The following SLC24A4 variants were observed in gnomAD, a reference collection of about 807,000 sequenced individuals.
SLC24A4 encodes the protein sodium/potassium/calcium exchanger 4.
SLC24A4 carries 53 observed loss-of-function variants against 79.0 expected under a neutral mutation model. That is an observed-to-expected ratio of 0.67 (90% confidence interval 0.54 to 0.84). The LOEUF (loss-of-function observed/expected upper bound fraction) is 0.84, where lower values mean the gene tolerates loss of function less well. SLC24A4 is among the 40% of genes least tolerant of loss of function. The probability of loss-of-function intolerance (pLI) is 0.00; values close to 1 mark genes in which losing one functional copy is unlikely to be tolerated. For missense variants in SLC24A4, 731 were observed against 822.0 expected, an observed-to-expected ratio of 0.89 and a Z score of 1.35; for synonymous variants, 323 against 323.8, an observed-to-expected ratio of 1.00 and a Z score of 0.03.
intron 2 of SLC24A4, among the ~76,000 whole-genome samples, chr14:92,415,769 A>AT (rs75655818): frequency 0.067 from 10,017 of 149,366 alleles, 433 homozygotes; most frequent in East Asian, 0.097. Context: ...CTATGTTTTT[A>AT]TTTTTTTTTT....
chr14:92,329,958 G>A (rs1885372460), intron 2 of SLC24A4, among the ~76,000 whole-genome samples: 1 of 152,232 alleles, frequency 6.6e-6, no homozygotes, highest in African/African-American at 2.4e-5. Flanking sequence ...AGCTTTATAG[G>A]AATCTTTTGA....
intron 2 of SLC24A4, among the ~76,000 whole-genome samples, chr14:92,411,946 C>A (rs1056758882): frequency 2.6e-5 from 4 of 151,054 alleles, no homozygotes; most frequent in African/African-American, 7.3e-5. Flanking sequence ...AAAAACAAAA[C>A]AAAACAAAAA....
chr14:92,424,168 T>A (rs1327307789), intron 2 of SLC24A4, among the ~76,000 whole-genome samples: 4 of 152,194 alleles, frequency 2.6e-5, no homozygotes, highest in African/African-American at 4.8e-5. Context: ...TGACCACATT[T>A]CAACTTAACT....
chr14:92,448,445 TAA>T (rs1892938542), intron 9 of SLC24A4, among the ~76,000 whole-genome samples: 1 of 150,824 alleles, frequency 6.6e-6, no homozygotes, highest in South Asian at 2.1e-4. Context: ...GATACGTAAT[TAA>T]AAAGACAACA....
At chr14:92,448,707 G>A (rs1174872483) in intron 9 of SLC24A4, among the ~76,000 whole-genome samples, 2 of 152,142 alleles carry the variant, frequency 1.3e-5, no homozygotes, top group Non-Finnish European at 2.9e-5. Flanking sequence ...ATCTGCTGCT[G>A]GGGGAGAGGG....
chr14:92,498,761 G>C lies in SLC24A4; in HGVS notation c.*5133G>C, dbSNP rs964982781. On this transcript the variant is annotated 3_prime_UTR_variant, in exon 17 of 17. Transcript: ENST00000532405. ...GATCCGCCCGCCTGGGCCTCCCAGA[G>C]TGCTGAGATTACAGGCGTGAGCCAC... 8 of 152,284 alleles carry C rather than the reference G, an allele frequency of 5.3e-5. No individual in the cohort carries two copies. The highest frequency in any genetic ancestry group is 1.9e-4 in the African/African-American group (8 of 41,468). The allele number at this position is 152,284 out of a possible 1,614,324, so 9.4% of individuals were successfully genotyped here.
intron 2 of SLC24A4, among the ~76,000 whole-genome samples, chr14:92,410,187 G>T (rs1288908584): frequency 2.0e-5 from 3 of 152,054 alleles, no homozygotes; most frequent in Non-Finnish European, 4.4e-5. Flanking sequence ...TAAAATAAAT[G>T]TTTAAAAAAA....
At chr14:92,457,725 A>G (rs976050238) in intron 12 of SLC24A4, 10 of 152,380 alleles carry the variant, frequency 6.6e-5, no homozygotes, top group African/African-American at 2.4e-4. Context: ...GTTTGGCCCC[A>G]TTCTTGGAGG....
intron 2 of SLC24A4, among the ~76,000 whole-genome samples, chr14:92,397,255 C>G (rs377502094): frequency 6.6e-6 from 1 of 152,148 alleles, no homozygotes. Context: ...CAGGATCCCA[C>G]GGAAAATTAG....
chr14:92,394,734 G>T (rs1436623505), intron 2 of SLC24A4, among the ~76,000 whole-genome samples: 1 of 152,174 alleles, frequency 6.6e-6, no homozygotes, highest in Non-Finnish European at 1.5e-5. Context: ...AGAAACTCAG[G>T]TTATTCTCCA....
At chr14:92,422,984 T>A (rs1244199201) in intron 2 of SLC24A4, among the ~76,000 whole-genome samples, 1 of 151,614 alleles carries the variant, frequency 6.6e-6, no homozygotes, top group Admixed American at 6.6e-5. Flanking sequence ...ATAATTTTTG[T>A]ATTTTTTTAA....
Position 92,493,598 on chromosome 14 carries a change from CA to C in SLC24A4, c.1841del (p.Asn614ThrfsTer24). ...TAGAGTTTAACGTCTTTACCTTCGT[CA>C]ACTTGCCGATGTGCCGGGAAGACGA... is the stretch of plus-strand genomic sequence containing the variant. ...MIEFNVFTFVNLPMCREDD is the reference protein window; with the variant it reads ...MIEFNVFTFVXLPMCREDD On this transcript the variant is annotated frameshift_variant, in exon 17 of 17. Coordinates refer to ENST00000532405, the MANE Select transcript of SLC24A4 (RefSeq NM_153646.4). LOFTEE classifies it high-confidence loss of function. 6.2e-7 allele frequency: 1 copy of C among 1,614,216 alleles called. No homozygotes were observed. The highest frequency in any genetic ancestry group is 8.5e-7 in the Non-Finnish European group (1 of 1,180,032).
chr14:92,450,196 A>C (rs148669556), intron 10 of SLC24A4: 9 of 152,130 alleles, frequency 5.9e-5, no homozygotes, highest in East Asian at 5.8e-4. Context: ...TTTTAGGTGA[A>C]CTCTTTTGTG....
intron 2 of SLC24A4, among the ~76,000 whole-genome samples, chr14:92,394,411 C>G (rs947777687): frequency 2.6e-5 from 4 of 151,872 alleles, no homozygotes; most frequent in African/African-American, 9.7e-5. Flanking sequence ...GCCTGGGCAA[C>G]ATAGCAAGAC....
At chr14:92,421,028 A>G (rs2141819030) in intron 2 of SLC24A4, among the ~76,000 whole-genome samples, 1 of 152,214 alleles carries the variant, frequency 6.6e-6, no homozygotes, top group East Asian at 1.9e-4. Context: ...CTCACCTTCA[A>G]GCAGTGGCAG....
intron 2 of SLC24A4, among the ~76,000 whole-genome samples, chr14:92,429,811 AC>A: frequency 6.6e-6 from 1 of 152,284 alleles, no homozygotes; most frequent in South Asian, 2.1e-4. Context: ...CAGAGCCTCC[AC>A]TTCCTCTCAA....
At chr14:92,438,702 T>A (rs1437019464) in intron 3 of SLC24A4, among the ~76,000 whole-genome samples, 1 of 152,166 alleles carries the variant, frequency 6.6e-6, no homozygotes, top group Non-Finnish European at 1.5e-5. Flanking sequence ...TCCCTAAGCA[T>A]ACGACCCTCC....
At chr14:92,373,320 A>G (rs1050026823) in intron 2 of SLC24A4, among the ~76,000 whole-genome samples, 66 of 152,280 alleles carry the variant, frequency 4.3e-4, no homozygotes, top group Admixed American at 2.0e-4. Context: ...CTGGGATTAC[A>G]GGCGTGAGCC....
At chr14:92,455,782 C>A (rs1301439904) in intron 11 of SLC24A4, among the ~76,000 whole-genome samples, 1 of 152,008 alleles carries the variant, frequency 6.6e-6, no homozygotes, top group Non-Finnish European at 1.5e-5. Flanking sequence ...CTCACTGCAA[C>A]CTCTGCCTCC....
Sources: gnomAD v4.1 joint callset for allele counts (sites outside exome capture counted in the v4.1 genomes callset) on GRCh38, gnomAD v4.1.1 for gene constraint, MANE v1.5 for transcripts, NCBI Gene and HGNC (gene_info 2026-07-23, HGNC 2026-07-21) for gene names.